Variants in TSHZ3 observed in about 807,000 individuals in gnomAD.
TSHZ3 encodes the protein teashirt zinc finger homeobox 3.
TSHZ3 carries 10 observed loss-of-function variants against 64.5 expected under a neutral mutation model. That is an observed-to-expected ratio of 0.16 (90% confidence interval 0.10 to 0.26). The LOEUF (loss-of-function observed/expected upper bound fraction) is 0.26, where lower values mean the gene tolerates loss of function less well. Ranked by LOEUF, TSHZ3 falls within the 10% of genes least tolerant of loss-of-function variation. The probability of loss-of-function intolerance (pLI) is 1.00; values close to 1 mark genes in which losing one functional copy is unlikely to be tolerated. For synonymous variants in TSHZ3, 608 were observed against 593.1 expected, an observed-to-expected ratio of 1.03 and a Z score of -0.36; for missense variants, 1,242 against 1,421.7, an observed-to-expected ratio of 0.87 and a Z score of 2.03.
intron 5 of TSHZ3, among the ~76,000 whole-genome samples, chr19:31,194,267 A>G (rs867149265): frequency 1.3e-5 from 2 of 152,222 alleles, no homozygotes; most frequent in Non-Finnish European, 2.9e-5. Context: ...CCAGGTTCCC[A>G]CACTGAATAC....
Position 31,249,515 on chromosome 19 carries a change from G to A in TSHZ3, n.64-6640C>T, listed in dbSNP as rs184459562. On this transcript the variant is annotated intron_variant and non_coding_transcript_variant, in intron 1 of 6. Transcript: ENST00000651361. ...TACTTAAACACACACACACATGCGC[G>A]CCCGCACACACACACACTCTCCAAA... is the stretch of plus-strand genomic sequence containing the variant. 1.3e-3 allele frequency among the ~76,000 whole-genome samples: 200 copies of A among 151,506 alleles called. 1 individual carries two copies. The highest frequency in any genetic ancestry group is 3.2e-3 in the African/African-American group (130 of 40,900).
intron 1 of TSHZ3, among the ~76,000 whole-genome samples, chr19:31,301,266 G>C (rs1205901503): frequency 6.6e-6 from 1 of 152,054 alleles, no homozygotes; most frequent in East Asian, 1.9e-4. Flanking sequence ...TCTCAGGGCA[G>C]ATGACAGGGC....
At chr19:31,269,944 G>T (rs1182869689) in intron 1 of TSHZ3, among the ~76,000 whole-genome samples, 1 of 152,176 alleles carries the variant, frequency 6.6e-6, no homozygotes, top group African/African-American at 2.4e-5. Context: ...ACGGAGCCAA[G>T]TCTGTCTCCA....
intron 5 of TSHZ3, among the ~76,000 whole-genome samples, chr19:31,173,126 G>C (rs1974559037): frequency 1.3e-5 from 2 of 152,186 alleles, no homozygotes; most frequent in African/African-American, 4.8e-5. Flanking sequence ...ACCATGTGGT[G>C]GGTCACTTGG....
At chr19:31,307,999 A>G (rs1916347401) in intron 1 of TSHZ3, among the ~76,000 whole-genome samples, 2 of 152,270 alleles carry the variant, frequency 1.3e-5, no homozygotes, top group African/African-American at 4.8e-5. Flanking sequence ...AGAAGAGACA[A>G]TTATGATAAT....
intron 1 of TSHZ3, among the ~76,000 whole-genome samples, chr19:31,255,862 G>T (rs1445085074): frequency 1.3e-5 from 2 of 152,176 alleles, no homozygotes; most frequent in African/African-American, 4.8e-5. Context: ...TTCAAGTGTT[G>T]CTCAGGGGCT....
chr19:31,218,639 T>C (rs542743745), intron 4 of TSHZ3, among the ~76,000 whole-genome samples: 3 of 152,198 alleles, frequency 2.0e-5, no homozygotes, highest in Non-Finnish European at 4.4e-5. Flanking sequence ...GCCAAAACTT[T>C]GAAGCAACCA....
chr19:31,159,985 C>T (rs1409452046), intron 5 of TSHZ3, among the ~76,000 whole-genome samples: 1 of 152,184 alleles, frequency 6.6e-6, no homozygotes, highest in Non-Finnish European at 1.5e-5. Flanking sequence ...AGCCACCACA[C>T]CCCAGAATGT....
chr19:31,189,906 T>G (rs1370172016), intron 5 of TSHZ3, among the ~76,000 whole-genome samples: 1 of 152,190 alleles, frequency 6.6e-6, no homozygotes, highest in African/African-American at 2.4e-5. Flanking sequence ...CAAGATATTG[T>G]TAGTATTGCT....
chr19:31,168,153 T>C (rs936969589), intron 5 of TSHZ3, among the ~76,000 whole-genome samples: 1 of 151,186 alleles, frequency 6.6e-6, no homozygotes, highest in Non-Finnish European at 1.5e-5. Flanking sequence ...GATCTAGTAT[T>C]TTTTTTTCCT....
chr19:31,299,542 G>C (rs1568373568), intron 1 of TSHZ3, among the ~76,000 whole-genome samples: 1 of 152,138 alleles, frequency 6.6e-6, no homozygotes, highest in Non-Finnish European at 1.5e-5. Flanking sequence ...CCGCTTTCTG[G>C]ATGTAGCAAA....
intron 1 of TSHZ3, among the ~76,000 whole-genome samples, chr19:31,309,387 T>C (rs1916391448): frequency 9.8e-6 from 1 of 102,036 alleles, no homozygotes. Context: ...CCATATCTTC[T>C]GCAAAAAAAA....
At chr19:31,189,882 C>T (rs1020090237) in intron 5 of TSHZ3, among the ~76,000 whole-genome samples, 13 of 151,948 alleles carry the variant, frequency 8.6e-5, no homozygotes, top group Non-Finnish European at 1.3e-4. Flanking sequence ...TGTTTGGAAA[C>T]GTTGTTGTTG....
intron 1 of TSHZ3, among the ~76,000 whole-genome samples, chr19:31,317,517 C>T (rs540298527): frequency 7.2e-4 from 109 of 152,282 alleles, no homozygotes; most frequent in Middle Eastern, 3.4e-3. Flanking sequence ...GCCACACTGA[C>T]CCTACTGGCC....
intron 5 of TSHZ3, among the ~76,000 whole-genome samples, chr19:31,170,334 C>T (rs182732329): frequency 6.6e-6 from 1 of 152,190 alleles, no homozygotes; most frequent in East Asian, 1.9e-4. Flanking sequence ...CTTATAAGGG[C>T]ACTAATCTCA....
At chr19:31,292,473 T>G (rs1976582661) in intron 1 of TSHZ3, among the ~76,000 whole-genome samples, 1 of 151,044 alleles carries the variant, frequency 6.6e-6, no homozygotes, top group Non-Finnish European at 1.5e-5. Flanking sequence ...GCTAAACATG[T>G]ACAACTCAAA....
intron 5 of TSHZ3, among the ~76,000 whole-genome samples, chr19:31,162,250 A>T (rs553108140): frequency 1.2e-4 from 18 of 148,494 alleles, no homozygotes; most frequent in African/African-American, 4.1e-4. Context: ...TGAAATACTT[A>T]AAAAAAATCT....
chr19:31,190,376 A>T (rs370185556), intron 5 of TSHZ3, among the ~76,000 whole-genome samples: 4 of 152,168 alleles, frequency 2.6e-5, no homozygotes, highest in African/African-American at 9.6e-5. Context: ...GAGTCATAGG[A>T]GATTTATTCA....
chr19:31,277,224 T>C lies in TSHZ3; in HGVS notation c.2569A>G (p.Ser857Gly), dbSNP rs1976255103. The change falls in exon 2 of 2, where the codon AGC (serine) becomes GGC (glycine). Residue 857 changes from serine (S) to glycine (G), a missense_variant. Transcript: ENST00000240587. This position sits in a 1 kb window ranked among gnomAD's most constrained non-coding sequence, Gnocchi z 4.5. The part of the protein sequence containing the change: ...ISDMLKNLTE[S>G]HTSKSSTPSS... ...GGAGTGGAGGATTTTGACGTGTGGC[T>C]CTCTGTCAAGTTCTTCAGCATATCG... is the stretch of plus-strand genomic sequence containing the variant. 2.5e-6 allele frequency: 4 copies of C among 1,614,206 alleles called. No individual in the cohort carries two copies. Among genetic ancestry groups the C allele is most frequent in the Non-Finnish European group, 2.5e-6 (3 of 1,180,036 alleles).
Sources: allele counts gnomAD v4.1 joint callset (sites outside exome capture counted in the v4.1 genomes callset), GRCh38; gene constraint gnomAD v4.1.1; non-coding constraint Gnocchi (gnomAD v3.1); transcripts MANE v1.5; gene names NCBI Gene and HGNC (gene_info 2026-07-23, HGNC 2026-07-21).